Variants in SHISA9 observed in about 807,000 individuals in gnomAD.
SHISA9 encodes protein shisa-9.
A neutral mutation model predicts 38.0 loss-of-function variants in SHISA9; 13 were observed. That is an observed-to-expected ratio of 0.34 (90% CI 0.22 to 0.54). The LOEUF (loss-of-function observed/expected upper bound fraction) is 0.54, where lower values mean the gene tolerates loss of function less well. Among genes scored for constraint, SHISA9 ranks in the 20% least tolerant of loss-of-function variants. The pLI is 0.91. For missense variants in SHISA9, 538 were observed against 575.8 expected (o/e 0.93, Z 0.67); for synonymous variants, 275 against 242.0 (o/e 1.14, Z -1.27).
intron 1 of SHISA9, among the ~76,000 whole-genome samples, chr16:12,913,666 C>T (rs907870531): frequency 3.0e-4 from 46 of 152,310 alleles, no homozygotes; most frequent in African/African-American, 1.1e-3. Context: ...CAGCCACTTT[C>T]CTCTCCCCTC....
chr16:13,543,232 T>C, the SHISA9 span, among the ~76,000 whole-genome samples: 1 of 152,102 alleles, frequency 6.6e-6, no homozygotes, highest in Non-Finnish European at 1.5e-5. Context: ...TACAGTACAA[T>C]GTGGTATAAT....
At chr16:13,203,781 A>G (rs1437392684) in intron 3 of SHISA9, among the ~76,000 whole-genome samples, 2 of 151,840 alleles carry the variant, frequency 1.3e-5, no homozygotes, top group Admixed American at 1.3e-4. Context: ...CCATCCACCT[A>G]TACACTCTAT....
chr16:13,107,945 C>T (rs1385319685), intron 2 of SHISA9, among the ~76,000 whole-genome samples: 2 of 152,062 alleles, frequency 1.3e-5, no homozygotes, highest in Non-Finnish European at 2.9e-5. Context: ...CTATAATGCT[C>T]AGTCAGTTTG....
intron 2 of SHISA9, among the ~76,000 whole-genome samples, chr16:13,092,181 C>G (rs1487238293): frequency 2.0e-5 from 3 of 152,206 alleles, no homozygotes; most frequent in Non-Finnish European, 4.4e-5. Flanking sequence ...CTGCCTGATC[C>G]TTACTCTGGA....
At chr16:13,561,141 A>G in the SHISA9 span, among the ~76,000 whole-genome samples, 6 of 152,216 alleles carry the variant, frequency 3.9e-5, no homozygotes, top group African/African-American at 1.4e-4. Context: ...TGCTGGGATT[A>G]AAAGCATGGG....
At position 12,928,175 on chromosome 16, in the gene SHISA9, TA is replaced by T. The variant is rs1157582337; in HGVS notation, c.691+11361del. Reference sequence around the variant, plus strand: ...ACTGTCCTTACTTTTTCTTATCTTATATTTTTTTTTTGCCCCTAATCAGTTG... The same window carrying T: ...ACTGTCCTTACTTTTTCTTATCTTATTTTTTTTTTTGCCCCTAATCAGTTG... On this transcript the variant is annotated intron_variant, in intron 2 of 4. Transcript: ENST00000558583. 8.3e-5 allele frequency among the ~76,000 whole-genome samples: 4 copies of T among 48,356 alleles called. No homozygotes were observed. In the East Asian group the frequency reaches 4.1e-3, roughly 50 times the overall value. 31.7% of individuals were successfully genotyped at this position (48,356 alleles called of 152,430 possible).
intron 2 of SHISA9, among the ~76,000 whole-genome samples, chr16:12,974,634 C>G (rs1262395866): frequency 2.0e-5 from 3 of 151,844 alleles, no homozygotes; most frequent in Non-Finnish European, 4.4e-5. Context: ...TACAGGCACC[C>G]ACCACCATGC....
chr16:13,223,966 T>A (rs142076575), intron 4 of SHISA9, among the ~76,000 whole-genome samples: 1 of 152,302 alleles, frequency 6.6e-6, no homozygotes, highest in Non-Finnish European at 1.5e-5. Context: ...GTGTCCTGGG[T>A]TCAAGTCTCA....
chr16:12,921,404 G>A (rs1337851865), intron 2 of SHISA9, among the ~76,000 whole-genome samples: 1 of 152,124 alleles, frequency 6.6e-6, no homozygotes, highest in Non-Finnish European at 1.5e-5. Context: ...CCATTTATGA[G>A]TCCATATTTA....
the SHISA9 span, among the ~76,000 whole-genome samples, chr16:13,497,633 C>T: frequency 2.1e-5 from 3 of 145,284 alleles, no homozygotes; most frequent in Non-Finnish European, 3.0e-5. Context: ...TGCAGTGAAC[C>T]GAGATTGCAC....
At chr16:13,119,119 C>A (rs139604199) in intron 2 of SHISA9, among the ~76,000 whole-genome samples, 1 of 152,130 alleles carries the variant, frequency 6.6e-6, no homozygotes, top group African/African-American at 2.4e-5. Context: ...CCGCCCACTT[C>A]GGCCTCCCAA....
At chr16:12,953,371 C>A (rs1404984186) in intron 2 of SHISA9, among the ~76,000 whole-genome samples, 1 of 152,164 alleles carries the variant, frequency 6.6e-6, no homozygotes, top group East Asian at 1.9e-4. Flanking sequence ...ATGATGAGCC[C>A]ATTTGGTAGA....
At chr16:12,916,134 A>G (rs147670874) in intron 1 of SHISA9, among the ~76,000 whole-genome samples, 1 of 151,688 alleles carries the variant, frequency 6.6e-6, no homozygotes, top group East Asian at 1.9e-4. Flanking sequence ...TTGTGCCACA[A>G]CTTACTGGCT....
intron 2 of SHISA9, among the ~76,000 whole-genome samples, chr16:13,132,329 A>G (rs973154973): frequency 6.6e-6 from 1 of 152,208 alleles, no homozygotes; most frequent in African/African-American, 2.4e-5. Flanking sequence ...GATACCTAGT[A>G]GATGTTTACT....
intron 2 of SHISA9, among the ~76,000 whole-genome samples, chr16:13,070,256 C>G (rs914561317): frequency 1.3e-5 from 2 of 152,088 alleles, no homozygotes; most frequent in Non-Finnish European, 1.5e-5. Flanking sequence ...CCTCATGTTG[C>G]TCTGTCCCCC....
chr16:13,466,624 CA>C, the SHISA9 span, among the ~76,000 whole-genome samples: 1 of 152,128 alleles, frequency 6.6e-6, no homozygotes, highest in East Asian at 1.9e-4. Flanking sequence ...GCCACATGAC[CA>C]GTTTCAAAAA....
the SHISA9 span, among the ~76,000 whole-genome samples, chr16:13,336,327 C>A: frequency 6.6e-6 from 1 of 152,264 alleles, no homozygotes; most frequent in South Asian, 2.1e-4. Context: ...TCCAAGAAAA[C>A]AATTAATAAT....
intron 1 of SHISA9, chr16:12,908,610 A>C: frequency 6.4e-7 from 1 of 1,551,474 alleles, no homozygotes; most frequent in Non-Finnish European, 8.7e-7. Flanking sequence ...GCTAGGCTGC[A>C]CTGCGTTTGA....
intron 2 of SHISA9, among the ~76,000 whole-genome samples, chr16:13,071,848 G>A (rs1276421924): frequency 2.0e-5 from 3 of 151,338 alleles, no homozygotes; most frequent in Admixed American, 2.0e-4. Context: ...GTTTCACTAT[G>A]TTGCCCAGGC....
Sources: gnomAD v4.1 joint callset for allele counts (sites outside exome capture counted in the v4.1 genomes callset) on GRCh38, gnomAD v4.1.1 for gene constraint, MANE v1.5 for transcripts, NCBI Gene and HGNC (gene_info 2026-07-23, HGNC 2026-07-21) for gene names.